CDH9: variants seen among roughly 807,000 people sequenced by gnomAD.
The protein encoded by CDH9 is cadherin 9.
A neutral mutation model predicts 70.9 loss-of-function variants in CDH9; 28 were observed. The ratio of observed to expected loss-of-function variants is 0.40; its 90% confidence interval spans 0.29 to 0.54. The LOEUF (loss-of-function observed/expected upper bound fraction) is 0.54. Ranked by LOEUF, CDH9 falls within the 20% of genes least tolerant of loss-of-function variation. The pLI is 0.59. For missense variants in CDH9, 874 were observed against 984.4 expected, an observed-to-expected ratio of 0.89 and a Z score of 1.50; for synonymous variants, 409 against 343.1, an observed-to-expected ratio of 1.19 and a Z score of -2.12.
intron 2 of CDH9, among the ~76,000 whole-genome samples, chr5:26,922,638 A>G (rs1215841307): frequency 6.6e-6 from 1 of 152,034 alleles, no homozygotes; most frequent in Non-Finnish European, 1.5e-5. Context: ...GAGCAATAAG[A>G]AATCATCTGA....
At chr5:27,038,106 A>G (rs1743425251) in intron 1 of CDH9, among the ~76,000 whole-genome samples, 1 of 151,992 alleles carries the variant, frequency 6.6e-6, no homozygotes, top group Non-Finnish European at 1.5e-5. Flanking sequence ...ACATACATGA[A>G]CACATAAATA....
At chr5:27,035,675 CGTGT>C (rs56317555) in intron 1 of CDH9, among the ~76,000 whole-genome samples, 3,193 of 142,816 alleles carry the variant, frequency 0.022, 57 homozygotes, top group African/African-American at 0.052. Context: ...TTGCTATTGA[CGTGT>C]GTGTGTGTGT....
chr5:26,946,109 G>T (rs1017928044), intron 2 of CDH9, among the ~76,000 whole-genome samples: 1 of 152,124 alleles, frequency 6.6e-6, no homozygotes, highest in Non-Finnish European at 1.5e-5. Flanking sequence ...GCTACATAAT[G>T]ATCTGAGTAA....
intron 2 of CDH9, among the ~76,000 whole-genome samples, chr5:26,982,777 G>A (rs1419401890): frequency 6.6e-6 from 1 of 151,908 alleles, no homozygotes; most frequent in Non-Finnish European, 1.5e-5. Flanking sequence ...CCGCCTCCTG[G>A]GTTCAAGTGA....
intron 4 of CDH9, 49 bp from the exon 5 acceptor site, chr5:26,906,175 A>C (rs761869098): frequency 6.6e-7 from 1 of 1,514,532 alleles, no homozygotes; most frequent in South Asian, 1.2e-5. Context: ...GCTGAGTTTT[A>C]AAATTAAGCT....
chr5:27,028,669 C>A (rs1422768367), intron 1 of CDH9, among the ~76,000 whole-genome samples: 1 of 151,876 alleles, frequency 6.6e-6, no homozygotes, highest in Non-Finnish European at 1.5e-5. Flanking sequence ...CAAGTATTTC[C>A]TGACAAAATT....
chr5:26,914,770 C>T (rs1741119473), intron 3 of CDH9, among the ~76,000 whole-genome samples: 1 of 151,968 alleles, frequency 6.6e-6, no homozygotes, highest in Non-Finnish European at 1.5e-5. Context: ...AAATCATACA[C>T]TGAAAACTGG....
chr5:26,917,298 T>C (rs999837137), intron 2 of CDH9, among the ~76,000 whole-genome samples: 5 of 151,962 alleles, frequency 3.3e-5, no homozygotes, highest in Non-Finnish European at 5.9e-5. Flanking sequence ...AGATGGGAGA[T>C]ATTGATCAAG....
chr5:26,953,237 AT>A (rs1458143291), intron 2 of CDH9, among the ~76,000 whole-genome samples: 21 of 152,180 alleles, frequency 1.4e-4, no homozygotes, highest in Non-Finnish European at 2.9e-4. Flanking sequence ...TCTAATTTTG[AT>A]TTAATTATTA....
intron 2 of CDH9, among the ~76,000 whole-genome samples, chr5:26,955,742 T>C (rs949224672): frequency 6.6e-6 from 1 of 152,148 alleles, no homozygotes; most frequent in African/African-American, 2.4e-5. Context: ...TTATCACATA[T>C]CTTCACAGTT....
intron 2 of CDH9, among the ~76,000 whole-genome samples, chr5:26,940,433 A>T (rs1364624354): frequency 1.3e-5 from 2 of 152,182 alleles, no homozygotes; most frequent in Non-Finnish European, 2.9e-5. Flanking sequence ...ACATTATTAA[A>T]AACTAGATAT....
At chr5:26,931,895 GA>G (rs1561199455) in intron 2 of CDH9, among the ~76,000 whole-genome samples, 1 of 151,974 alleles carries the variant, frequency 6.6e-6, no homozygotes, top group African/African-American at 2.4e-5. Context: ...TGGCACAGAA[GA>G]ATTTTTTAAA....
In CDH9 at chr5:26,932,665, T is replaced by C. The variant is rs7703733; in HGVS notation, c.229-16741A>G. On this transcript the variant is annotated intron_variant, in intron 2 of 11. Transcript: ENST00000231021. ...GACTTTATATTTAAAGCGTGTTTAT[T>C]GAAGACAGCATATTGCTGAGTCTTG... Among the ~76,000 whole-genome samples the C allele has an allele frequency of 2.9e-3, 445 of 152,244 alleles. 3 individuals carry two copies. The highest frequency in any genetic ancestry group is 0.01 in the African/African-American group (430 of 41,586).
intron 2 of CDH9, among the ~76,000 whole-genome samples, chr5:26,980,058 T>C (rs1742372373): frequency 6.6e-6 from 1 of 151,868 alleles, no homozygotes; most frequent in Non-Finnish European, 1.5e-5. Context: ...CCAGCAAGTA[T>C]GTAATAAACA....
chr5:27,011,393 A>C (rs1022537376), intron 1 of CDH9, among the ~76,000 whole-genome samples: 1 of 152,082 alleles, frequency 6.6e-6, no homozygotes, highest in South Asian at 2.1e-4. Context: ...CAGAAGAGAC[A>C]CAGACAGCAG....
At chr5:26,892,660 C>T (rs1317717642) in intron 7 of CDH9, among the ~76,000 whole-genome samples, 1 of 152,108 alleles carries the variant, frequency 6.6e-6, no homozygotes, top group African/African-American at 2.4e-5. Flanking sequence ...CTGGCTTTGG[C>T]AAACATAAGT....
chr5:26,896,431 TTATGATGTATAATATACATGATAG>T (rs1305891703), intron 7 of CDH9, among the ~76,000 whole-genome samples: 1 of 151,622 alleles, frequency 6.6e-6, no homozygotes, highest in Non-Finnish European at 1.5e-5. Flanking sequence ...AAATATTTAT[TTATGATGTATAATATACATGATAG>T]TATATCATTT....
chr5:27,004,761 T>G (rs938123592), intron 1 of CDH9, among the ~76,000 whole-genome samples: 23 of 152,204 alleles, frequency 1.5e-4, no homozygotes, highest in African/African-American at 5.5e-4. Flanking sequence ...TATGCCCTAT[T>G]TAACATCCAA....
At chr5:26,975,839 A>T (rs1742295708) in intron 2 of CDH9, among the ~76,000 whole-genome samples, 1 of 152,190 alleles carries the variant, frequency 6.6e-6, no homozygotes, top group South Asian at 2.1e-4. Context: ...TATGGGTAGT[A>T]GAGACTGTAT....
Sources: allele counts gnomAD v4.1 joint callset (sites outside exome capture counted in the v4.1 genomes callset), GRCh38; gene constraint gnomAD v4.1.1; transcripts MANE v1.5; gene names NCBI Gene and HGNC (gene_info 2026-07-23, HGNC 2026-07-21).